BICDL2: variants seen among roughly 807,000 people sequenced by gnomAD.
BICDL2 encodes the protein BICD family-like cargo adapter 2.
A neutral mutation model predicts 56.6 loss-of-function variants in BICDL2; 62 were observed. The ratio of observed to expected loss-of-function variants is 1.10; its 90% CI spans 0.89 to 1.35. The LOEUF is 1.35. BICDL2 is among the 40% of genes most tolerant of loss of function. The pLI is 0.00. For missense variants in BICDL2, 808 were observed against 684.5 expected (o/e 1.18, Z -2.01); for synonymous variants, 358 against 319.8 (o/e 1.12, Z -1.27).
chr16:3,036,295 C>T (rs1185849082), intron 1 of BICDL2: 6 of 452,422 alleles, frequency 1.3e-5, no homozygotes, highest in Non-Finnish European at 2.2e-5. Flanking sequence ...GCCGCCCGGC[C>T]GCAGCGCGGC....
rs1045300410 is a variant in BICDL2, at chr16:3,027,715, T to C, written c.*391A>G. The C allele has an allele frequency of 1.1e-5, 17 of 1,522,684 alleles. No individual in the cohort carries two copies. The African/African-American group carries it at 1.3e-4, about 11-fold the overall frequency. The allele number at this position is 1,522,684 out of a possible 1,614,324, so 94.3% of individuals were successfully genotyped here. The stretch of plus-strand genomic sequence containing the variant: ...TTAGAGTGTTTTTCATTTTCTTTTT[T>C]TTTTTTTTTTTACAATAAAGTTTCA... On this transcript the variant is annotated 3_prime_UTR_variant, in exon 10 of 10. Transcript: ENST00000572449.
intron 2 of BICDL2, 38 bp downstream of exon 2, chr16:3,035,177 G>GCCCTCCCCC: frequency 8.4e-6 from 1 of 118,826 alleles, no homozygotes; most frequent in Non-Finnish European, 1.6e-5. Context: ...GTCCTCCCCT[G>GCCCTCCCCC]CCCACCCACC....
At chr16:3,030,315 TG>T in intron 5 of BICDL2, 133 bp downstream of exon 5, 1 of 1,165,112 alleles carries the variant, frequency 8.6e-7, no homozygotes, top group Non-Finnish European at 1.2e-6. Flanking sequence ...CATTTGCCCA[TG>T]GGCTAATGCC....
intron 2 of BICDL2, 39 bp downstream of exon 2, chr16:3,035,176 T>TTGGGGGGGGGGGGGG: frequency 3.7e-5 from 5 of 136,270 alleles, no homozygotes; most frequent in Non-Finnish European, 4.1e-5. Flanking sequence ...CGTCCTCCCC[T>TTGGGGGGGGGGGGGG]GCCCACCCAC....
chr16:3,035,175 C>T, intron 2 of BICDL2, 40 bp downstream of exon 2: 4 of 387,928 alleles, frequency 1.0e-5, no homozygotes, highest in Non-Finnish European at 1.7e-5. Flanking sequence ...CCGTCCTCCC[C>T]TGCCCACCCA....
In BICDL2 at chr16:3,035,543, T is replaced by A; in HGVS notation, c.-30-17A>T. On this transcript the variant is annotated splice_polypyrimidine_tract_variant and intron_variant, in intron 1 of 9. Transcript: ENST00000572449. ...GACAGGTGGCTGCGGGACACTCTAC[T>A]CTGCAGCCTGACAGGGGCTCACCCT... 1 of 1,554,286 alleles carries A rather than the reference T, an allele frequency of 6.4e-7. No homozygotes were observed. The highest frequency in any genetic ancestry group is 8.7e-7 in the Non-Finnish European group (1 of 1,152,726).
chr16:3,029,827 C>T (rs933843411), intron 5 of BICDL2, 88 bp from the exon 6 acceptor site: 2 of 1,181,298 alleles, frequency 1.7e-6, no homozygotes, highest in South Asian at 3.1e-5. Context: ...ACGGGGGTGC[C>T]GCGGAGAGCC....
In BICDL2 at chr16:3,035,311, C is replaced by G; in HGVS notation, c.186G>C (p.Leu62=). 2 of 1,574,820 alleles carry G rather than the reference C, an allele frequency of 1.3e-6. No individual in the cohort carries two copies. The highest frequency in any genetic ancestry group is 1.7e-6 in the Non-Finnish European group (2 of 1,160,618). The part of the protein sequence containing the change: ...LQLQQKEKDL[L]LAAELGKMLL... ...GCATCTTGCCGAGCTCCGCGGCCAA[C>G]AGCAGGTCTTTCTCCTTCTGCTGCA... is the stretch of plus-strand genomic sequence containing the variant. The change falls in exon 2 of 10, where the codon CTG becomes CTC. Residue 62 remains leucine (L), a synonymous_variant. Coordinates refer to ENST00000572449, the MANE Select transcript of BICDL2 (RefSeq NM_001369667.1).
Position 3,028,848 on chromosome 16 carries a change from G to A in BICDL2, c.1108-18C>T, listed in dbSNP as rs547942362. The A allele has an allele frequency of 1.6e-5, 25 of 1,533,640 alleles. No individual in the cohort carries two copies. In the African/African-American group the frequency reaches 3.1e-4, roughly 19 times the overall value. On this transcript the variant is annotated intron_variant, in intron 7 of 9. Transcript: ENST00000572449. ...AGCGAGATCTGTGAGCAGAGGAGGG[G>A]GGCCGTGCGGCAGATGGGCCAATGG...
intron 9 of BICDL2, 23 bp downstream of exon 9, chr16:3,028,325 C>G: frequency 6.5e-7 from 1 of 1,542,714 alleles, no homozygotes; most frequent in Non-Finnish European, 8.7e-7. Flanking sequence ...TGCCCCGCCC[C>G]GCACACGGGC....
At chr16:3,029,122 G>A (rs1347791158) in intron 7 of BICDL2, among the ~76,000 whole-genome samples, 158 bp downstream of exon 7, 1 of 152,196 alleles carries the variant, frequency 6.6e-6, no homozygotes. Flanking sequence ...TCTTCCTGGA[G>A]GAGGTGGCAT....
In BICDL2 at chr16:3,027,707, TTC is replaced by T. The variant is rs374707661; in HGVS notation, c.*397_*398del. 2.4e-4 allele frequency: 358 copies of T among 1,494,914 alleles called. No individual in the cohort carries two copies. The highest frequency in any genetic ancestry group is 1.5e-3 in the Admixed American group (61 of 40,140). 92.6% of individuals were successfully genotyped at this position (1,494,914 alleles called of 1,614,324 possible). ...TCAGGGTTTTAGAGTGTTTTTCATT[TTC>T]TTTTTTTTTTTTTTTTTACAATAAA... On this transcript the variant is annotated 3_prime_UTR_variant, in exon 10 of 10. Transcript: ENST00000572449.
intron 1 of BICDL2, chr16:3,035,825 C>G (rs1567424907): frequency 2.6e-6 from 1 of 391,872 alleles, no homozygotes; most frequent in Non-Finnish European, 4.7e-6. Context: ...GCTCCCTGTC[C>G]CCTCTCTTCC....
At chr16:3,034,100 T>C (rs1379240956) in intron 2 of BICDL2, among the ~76,000 whole-genome samples, 1 of 152,140 alleles carries the variant, frequency 6.6e-6, no homozygotes, top group African/African-American at 2.4e-5. Context: ...TCCTACCTCA[T>C]TGGGCTGGGC....
At chr16:3,034,624 T>TTCCTA (rs1348181910) in intron 2 of BICDL2, among the ~76,000 whole-genome samples, 2 of 151,086 alleles carry the variant, frequency 1.3e-5, no homozygotes, top group Non-Finnish European at 3.0e-5. Context: ...CTTTTTTCCT[T>TTCCTA]TCCTTTCCTT....
At chr16:3,031,771 C>G (rs528378094) in intron 2 of BICDL2, 114 of 381,194 alleles carry the variant, frequency 3.0e-4, no homozygotes, top group Non-Finnish European at 5.0e-4. Context: ...GCTGCTGCAG[C>G]GACTCGCAGG....
intron 5 of BICDL2, chr16:3,030,048 A>T (rs959193040): frequency 8.3e-6 from 4 of 484,366 alleles, no homozygotes; most frequent in Non-Finnish European, 1.5e-5. Context: ...CTTGTCCCAC[A>T]GTAGTAAGTA....
intron 1 of BICDL2, chr16:3,036,327 C>G (rs1386882459): frequency 2.2e-6 from 1 of 445,968 alleles, no homozygotes; most frequent in South Asian, 1.6e-5. Context: ...GTTTACTTCC[C>G]GGTCCGCCCC....
chr16:3,033,973 A>T (rs2526277), intron 2 of BICDL2, among the ~76,000 whole-genome samples: 51,969 of 151,882 alleles, frequency 0.34, 9,211 homozygotes, highest in Middle Eastern at 0.39. Context: ...TACCCAGGTC[A>T]GGCTCAGGGC....
Sources: allele counts gnomAD v4.1 joint callset (sites outside exome capture counted in the v4.1 genomes callset), GRCh38; gene constraint gnomAD v4.1.1; transcripts MANE v1.5; gene names NCBI Gene and HGNC (gene_info 2026-07-23, HGNC 2026-07-21).